Variants in CIT observed in about 807,000 individuals in gnomAD.
CIT encodes citron Rho-interacting kinase.
CIT carries 79 observed loss-of-function variants against 272.7 expected under a neutral mutation model. The ratio of observed to expected loss-of-function variants is 0.29; its 90% CI spans 0.24 to 0.35. CIT has a LOEUF of 0.35. CIT is among the 10% of genes least tolerant of loss of function. The pLI is 1.00. For missense variants in CIT, 1,909 were observed against 2,618.3 expected (o/e 0.73, Z 5.91); for synonymous variants, 948 against 995.6 (o/e 0.95, Z 0.90).
At chr12:119,764,603 G>A (rs1381055742) in intron 19 of CIT, among the ~76,000 whole-genome samples, 2 of 134,242 alleles carry the variant, frequency 1.5e-5, no homozygotes, top group Non-Finnish European at 3.1e-5. Flanking sequence ...GTGAGATCCT[G>A]TCTCAAAAAA....
At chr12:119,797,275 G>A (rs993798776) in intron 10 of CIT, among the ~76,000 whole-genome samples, 2 of 152,206 alleles carry the variant, frequency 1.3e-5, no homozygotes, top group African/African-American at 2.4e-5. Context: ...GTCTGGATTA[G>A]ATTTCCTAAA....
At chr12:119,835,053 A>C (rs1418218253) in intron 5 of CIT, among the ~76,000 whole-genome samples, 1 of 152,270 alleles carries the variant, frequency 6.6e-6, no homozygotes, top group Admixed American at 6.5e-5. Context: ...GTGTTGGTAC[A>C]TACACAGGAA....
chr12:119,800,038 C>G (rs77159630), intron 10 of CIT, among the ~76,000 whole-genome samples: 4,596 of 151,896 alleles, frequency 0.03, 130 homozygotes, highest in East Asian at 0.12. Flanking sequence ...GAAGGAAAAA[C>G]CTAAATAAAT....
chr12:119,712,470 G>T lies in CIT; in HGVS notation c.4684+121C>A. 1 of 1,401,370 alleles carries T rather than the reference G, an allele frequency of 7.1e-7. No individual in the cohort carries two copies. The highest frequency in any genetic ancestry group is 1.3e-5 in the South Asian group (1 of 77,400). 86.8% of individuals were successfully genotyped at this position (1,401,370 alleles called of 1,614,324 possible). The stretch of plus-strand genomic sequence containing the variant: ...CAAATCCCAGTTACCGCCAAGGCGG[G>T]GAGCGGAGGAAGATGGGCCTCCTTT... On this transcript the variant is annotated intron_variant, in intron 36 of 47. Coordinates refer to ENST00000392521, the MANE Select transcript of CIT (RefSeq NM_001206999.2). The surrounding 1 kb of genome is among the most constrained non-coding windows in gnomAD (Gnocchi z 5.2).
chr12:119,713,155 C>T lies in CIT; in HGVS notation c.4579+48G>A. 1 of 1,452,544 alleles carries T rather than the reference C, an allele frequency of 6.9e-7. No homozygotes were observed. Among genetic ancestry groups the T allele is most frequent in the Non-Finnish European group, 9.6e-7 (1 of 1,040,286 alleles). 90.0% of individuals were successfully genotyped at this position (1,452,544 alleles called of 1,614,324 possible). A position where few individuals can be genotyped will look rare whatever the true frequency, so the allele number is the denominator to read the frequency against. On this transcript the variant is annotated intron_variant, in intron 35 of 47. Transcript: ENST00000392521. The surrounding 1 kb of genome is among the most constrained non-coding windows in gnomAD (Gnocchi z 5.2). ...AGCCTTCGCGCCAGCACTGGGGAGA[C>T]CTGGGTTAGCCACGTGCAATGACCT...
chr12:119,710,100 T>A lies in CIT; in HGVS notation c.5071+151A>T. 1.2e-6 allele frequency: 1 copy of A among 826,388 alleles called. No individual in the cohort carries two copies. The highest frequency in any genetic ancestry group is 1.9e-6 in the Non-Finnish European group (1 of 516,878). 51.2% of individuals were successfully genotyped at this position (826,388 alleles called of 1,614,324 possible). A position where few individuals can be genotyped will look rare whatever the true frequency, so the allele number is the denominator to read the frequency against. Reference sequence around the variant, plus strand: ...ACTGAATCTGGACAGAGGGGGTCCATTAGCTGAGGCTTGGGCATCTATGGG... The same window carrying A: ...ACTGAATCTGGACAGAGGGGGTCCAATAGCTGAGGCTTGGGCATCTATGGG... On this transcript the variant is annotated intron_variant, in intron 39 of 47. Coordinates refer to ENST00000392521, the MANE Select transcript of CIT (RefSeq NM_001206999.2). This position sits in a 1 kb window ranked among gnomAD's most constrained non-coding sequence, Gnocchi z 5.6.
Position 119,712,904 on chromosome 12 carries a change from G to C in CIT, c.4580-209C>G, listed in dbSNP as rs1957242439. ...TAAAGTGTGTCAGATGAGTAGCACA[G>C]TCAAATTTCTGATGACGATGCGGAT... On this transcript the variant is annotated intron_variant, in intron 35 of 47. Coordinates refer to ENST00000392521, the MANE Select transcript of CIT (RefSeq NM_001206999.2). This position sits in a 1 kb window ranked among gnomAD's most constrained non-coding sequence, Gnocchi z 5.2. 2 of 581,940 alleles carry C rather than the reference G, an allele frequency of 3.4e-6. No individual in the cohort carries two copies. The highest frequency in any genetic ancestry group is 4.2e-5 in the South Asian group (2 of 47,390). 36.0% of individuals were successfully genotyped at this position (581,940 alleles called of 1,614,324 possible).
At chr12:119,736,853 C>A (rs921240773) in intron 24 of CIT, among the ~76,000 whole-genome samples, 2 of 152,080 alleles carry the variant, frequency 1.3e-5, no homozygotes, top group Non-Finnish European at 2.9e-5. Flanking sequence ...CATAATGTCT[C>A]CATTTAACTA....
At position 119,775,812 on chromosome 12, in the gene CIT, G is replaced by T. The variant is rs1382735492; in HGVS notation, c.1915C>A (p.Gln639Lys). 6.2e-7 allele frequency: 1 copy of T among 1,613,758 alleles called. No individual in the cohort carries two copies. The highest frequency in any genetic ancestry group is 8.5e-7 in the Non-Finnish European group (1 of 1,179,874). Residue 639 changes from glutamine (Q) to lysine (K), a missense_variant, in exon 16 of 48, where the codon CAG becomes AAG. This residue lies in a region of CIT where 530 missense variants were observed against 822.4 expected (regional missense o/e 0.64). Transcript: ENST00000392521. The stretch of plus-strand genomic sequence containing the variant: ...TTCTCCAGTTTCTCTTGGAGCTCCT[G>T]AATTTTGAGCTGCTGCTCAGCATTG... ...KINAEQQLKIQELQEKLEKAV... is the reference protein window; with the variant it reads ...KINAEQQLKIKELQEKLEKAV...
At chr12:119,715,618 G>A (rs1384476156) in intron 32 of CIT, among the ~76,000 whole-genome samples, 1 of 152,162 alleles carries the variant, frequency 6.6e-6, no homozygotes, top group African/African-American at 2.4e-5. Context: ...AGAATGTGAT[G>A]AGGGTTACAC....
At chr12:119,876,292 C>T in intron 1 of CIT, 111 bp from the exon 2 acceptor site, 1 of 629,294 alleles carries the variant, frequency 1.6e-6, no homozygotes, top group Non-Finnish European at 2.8e-6. Flanking sequence ...AATCAGCTAC[C>T]ACTCCAGTTT....
At chr12:119,848,606 C>T (rs906130541) in intron 5 of CIT, among the ~76,000 whole-genome samples, 13 of 152,130 alleles carry the variant, frequency 8.5e-5, no homozygotes, top group East Asian at 3.8e-4. Context: ...AGTAGACCTG[C>T]GTTACTGACA....
Position 119,774,639 on chromosome 12 carries a change from C to G in CIT, c.1941+1147G>C, listed in dbSNP as rs145240704. ...TGCAATTATTATTTGCCAATTATACCTTAATGAAGCTAGGGAAAAAATTAA... is the reference window on the plus strand; with the variant it reads ...TGCAATTATTATTTGCCAATTATACGTTAATGAAGCTAGGGAAAAAATTAA... On this transcript the variant is annotated intron_variant, in intron 16 of 47. Transcript: ENST00000392521. Among the ~76,000 whole-genome samples, 416 of 152,014 alleles carry G rather than the reference C, an allele frequency of 2.7e-3. 1 individual carries two copies. Among genetic ancestry groups the G allele is most frequent in the Middle Eastern group, 0.01 (3 of 294 alleles).
Position 119,697,688 on chromosome 12 carries a change from T to C in CIT, c.5853A>G (p.Glu1951=). The C allele has an allele frequency of 6.2e-7, 1 of 1,614,088 alleles. No individual in the cohort carries two copies. The highest frequency in any genetic ancestry group is 8.5e-7 in the Non-Finnish European group (1 of 1,180,002). The change falls in exon 46 of 48, where the codon GAA becomes GAG. Residue 1951 remains glutamate, a synonymous_variant. Coordinates refer to ENST00000392521, the MANE Select transcript of CIT (RefSeq NM_001206999.2). This position sits in a 1 kb window ranked among gnomAD's most constrained non-coding sequence, Gnocchi z 4.9. ...GGGAGGTGGACGGGCCCCGGTGGTG[T>C]TCAGTGCCGGACTCCTTCACGAGGT... The part of the protein sequence containing the change: ...KGNLVKESGT[E]HHRGPSTSRS...
chr12:119,713,254 T>C lies in CIT; in HGVS notation c.4528A>G (p.Ile1510Val), dbSNP rs775120767. Residue 1510 changes from isoleucine (I) to valine (V), a missense_variant, in exon 35 of 48, where the codon ATT (isoleucine) becomes GTT (valine). Physicochemically the swap from Ile to Val is conservative, Grantham distance 29. Coordinates refer to ENST00000392521, the MANE Select transcript of CIT (RefSeq NM_001206999.2). This position sits in a 1 kb window ranked among gnomAD's most constrained non-coding sequence, Gnocchi z 5.2. The stretch of plus-strand genomic sequence containing the variant: ...AGGACTTTTGATCCCTCCAGGACAA[T>C]GTACTTCCTGTCCCAGCCTTGCTGT... ...RGQQGWDRKY[I>V]VLEGSKVLIY... The C allele has an allele frequency of 2.3e-5, 37 of 1,614,104 alleles. No homozygotes were observed. In the South Asian group the frequency reaches 3.6e-4, roughly 16 times the overall value.
intron 23 of CIT, among the ~76,000 whole-genome samples, chr12:119,748,503 C>G (rs372382100): frequency 8.5e-5 from 13 of 152,320 alleles, no homozygotes; most frequent in Admixed American, 4.6e-4. Flanking sequence ...GCACCCACCC[C>G]CTTTCAGGGT....
intron 5 of CIT, among the ~76,000 whole-genome samples, chr12:119,841,076 G>C (rs1201297071): frequency 6.6e-6 from 1 of 152,082 alleles, no homozygotes; most frequent in African/African-American, 2.4e-5. Flanking sequence ...AGATCCAGAA[G>C]TATAATGCCT....
Position 119,698,059 on chromosome 12 carries a change from G to A in CIT, c.5624-5C>T. On this transcript the variant is annotated splice_region_variant and splice_polypyrimidine_tract_variant and intron_variant, in intron 44 of 47. Transcript: ENST00000392521. ...ACAGATAGGGTTCTCTGTAGGCTGT[G>A]TGATCACCATGCAGGCACAGTGTGG... 1 of 1,613,872 alleles carries A rather than the reference G, an allele frequency of 6.2e-7. No homozygotes were observed.
intron 24 of CIT, among the ~76,000 whole-genome samples, chr12:119,740,130 T>TCA (rs757267693): frequency 9.7e-4 from 148 of 152,118 alleles, no homozygotes; most frequent in Non-Finnish European, 1.5e-3. Flanking sequence ...TCTCTCAGGT[T>TCA]CACACACACA....
Sources: allele counts gnomAD v4.1 joint callset (sites outside exome capture counted in the v4.1 genomes callset), GRCh38; gene constraint gnomAD v4.1.1; regional missense constraint gnomAD v4.1.1; non-coding constraint Gnocchi (gnomAD v3.1); transcripts MANE v1.5; gene names NCBI Gene and HGNC (gene_info 2026-07-23, HGNC 2026-07-21).